Variants in SCHIP1 observed in about 807,000 individuals in gnomAD.
SCHIP1 encodes the protein schwannomin interacting protein 1.
A neutral mutation model predicts 29.7 loss-of-function variants in SCHIP1; 8 were observed. The observed-to-expected ratio is 0.27, with a 90% CI of 0.16 to 0.49. The LOEUF is 0.49. Ranked by LOEUF, SCHIP1 falls within the 20% of genes least tolerant of loss-of-function variation. SCHIP1 has a pLI of 0.99. For synonymous variants in SCHIP1, 76 were observed against 94.9 expected (o/e 0.80, Z 1.16); for missense variants, 193 against 294.6 (o/e 0.66, Z 2.52).
chr3:159,684,348 C>T, the SCHIP1 span, among the ~76,000 whole-genome samples: 2 of 152,204 alleles, frequency 1.3e-5, no homozygotes, highest in African/African-American at 4.8e-5. Flanking sequence ...TAGGCTTTCT[C>T]CTTACTATCT....
the SCHIP1 span, among the ~76,000 whole-genome samples, chr3:159,768,782 C>T: frequency 6.6e-6 from 1 of 152,334 alleles, no homozygotes; most frequent in East Asian, 1.9e-4. Context: ...CAGCCCTCCA[C>T]TGTGATGTCA....
At chr3:159,751,179 G>T in the SCHIP1 span, among the ~76,000 whole-genome samples, 13 of 151,886 alleles carry the variant, frequency 8.6e-5, no homozygotes, top group African/African-American at 3.1e-4. Flanking sequence ...TTAGTCCAGG[G>T]GTCAGCATAC....
At chr3:159,336,031 C>T in the SCHIP1 span, among the ~76,000 whole-genome samples, 1 of 152,206 alleles carries the variant, frequency 6.6e-6, no homozygotes, top group Non-Finnish European at 1.5e-5. Flanking sequence ...TCAATGATCA[C>T]CATTCTAAGT....
At chr3:159,365,244 G>A in the SCHIP1 span, among the ~76,000 whole-genome samples, 2 of 152,146 alleles carry the variant, frequency 1.3e-5, no homozygotes, top group Non-Finnish European at 2.9e-5. Flanking sequence ...TATTGCTCCA[G>A]AGACAGATAT....
At chr3:159,347,342 C>G in the SCHIP1 span, among the ~76,000 whole-genome samples, 1 of 152,122 alleles carries the variant, frequency 6.6e-6, no homozygotes, top group Non-Finnish European at 1.5e-5. Context: ...CCTTAATTAT[C>G]GAAGTCTTAC....
chr3:159,538,699 A>T, the SCHIP1 span, among the ~76,000 whole-genome samples: 1 of 152,110 alleles, frequency 6.6e-6, no homozygotes, highest in African/African-American at 2.4e-5. Context: ...CTGCGAAGCC[A>T]CTGTCTTTAA....
At chr3:159,681,304 G>A in the SCHIP1 span, among the ~76,000 whole-genome samples, 5 of 149,810 alleles carry the variant, frequency 3.3e-5, no homozygotes, top group Admixed American at 2.0e-4. Flanking sequence ...AAAAAAAAAA[G>A]ACTAATGAAA....
the SCHIP1 span, among the ~76,000 whole-genome samples, chr3:159,469,799 G>C: frequency 6.6e-6 from 1 of 152,060 alleles, no homozygotes; most frequent in South Asian, 2.1e-4. Context: ...CAAATCACAT[G>C]AAAAAGCTAC....
the SCHIP1 span, among the ~76,000 whole-genome samples, chr3:159,754,955 G>A: frequency 1.1e-4 from 16 of 152,346 alleles, no homozygotes; most frequent in African/African-American, 3.4e-4. Context: ...AAAGAGGCTG[G>A]CCGGGTGCGG....
chr3:159,622,516 C>T, the SCHIP1 span, among the ~76,000 whole-genome samples: 51 of 152,266 alleles, frequency 3.3e-4, 1 homozygote, highest in Middle Eastern at 6.8e-3. Context: ...ATCTCAAGAT[C>T]GTAAGGACCT....
intron 1 of SCHIP1, among the ~76,000 whole-genome samples, chr3:159,850,526 G>A (rs1182967256): frequency 7.1e-6 from 1 of 141,460 alleles, no homozygotes; most frequent in Non-Finnish European, 1.5e-5. Flanking sequence ...TGCACTCCAG[G>A]CTGGAGATTC....
the SCHIP1 span, among the ~76,000 whole-genome samples, chr3:159,655,820 C>T: frequency 6.6e-6 from 1 of 152,068 alleles, no homozygotes. Flanking sequence ...ACCCAGGAGG[C>T]GGAGGTTGCA....
chr3:159,856,014 A>G (rs1713313902), intron 1 of SCHIP1, among the ~76,000 whole-genome samples: 1 of 152,232 alleles, frequency 6.6e-6, no homozygotes, highest in South Asian at 2.1e-4. Flanking sequence ...TGCCCTCAAC[A>G]GAAAACATAT....
the SCHIP1 span, among the ~76,000 whole-genome samples, chr3:159,382,267 C>G: frequency 1.3e-5 from 2 of 150,300 alleles, no homozygotes; most frequent in Non-Finnish European, 3.0e-5. Flanking sequence ...CTCACCCCAC[C>G]CCACAACAGT....
the SCHIP1 span, among the ~76,000 whole-genome samples, chr3:159,540,047 C>A: frequency 6.6e-6 from 1 of 151,924 alleles, no homozygotes; most frequent in Non-Finnish European, 1.5e-5. Context: ...CTTGTCCCTG[C>A]TTTTCCTTTT....
chr3:159,694,561 AAAG>A, the SCHIP1 span, among the ~76,000 whole-genome samples: 1 of 138,100 alleles, frequency 7.2e-6, no homozygotes, highest in Non-Finnish European at 1.6e-5. Flanking sequence ...AGAAAGAAAG[AAAG>A]AAAGAAAGAA....
chr3:159,395,947 G>A, the SCHIP1 span, among the ~76,000 whole-genome samples: 1 of 152,102 alleles, frequency 6.6e-6, no homozygotes, highest in Admixed American at 6.6e-5. Flanking sequence ...ATTAACGTGT[G>A]GGAGTCCAAG....
the SCHIP1 span, among the ~76,000 whole-genome samples, chr3:159,355,020 T>C: frequency 6.6e-6 from 1 of 152,142 alleles, no homozygotes; most frequent in Non-Finnish European, 1.5e-5. Flanking sequence ...TGGCTGTATT[T>C]ATTGACGAAG....
At chr3:159,500,131 G>GT in the SCHIP1 span, among the ~76,000 whole-genome samples, 1 of 151,692 alleles carries the variant, frequency 6.6e-6, no homozygotes, top group Non-Finnish European at 1.5e-5. Flanking sequence ...ACTAAGTCCA[G>GT]TTTTTTGTTT....
Sources: allele counts gnomAD v4.1 joint callset (sites outside exome capture counted in the v4.1 genomes callset), GRCh38; gene constraint gnomAD v4.1.1; transcripts MANE v1.5; gene names NCBI Gene and HGNC (gene_info 2026-07-23, HGNC 2026-07-21).